Variants in ANKRD33 observed in about 807,000 individuals in gnomAD.
The protein encoded by ANKRD33 is photoreceptor ankyrin repeat protein.
A neutral mutation model predicts 20.6 loss-of-function variants in ANKRD33; 20 were observed. The observed-to-expected ratio is 0.97, with a 90% CI of 0.68 to 1.41. The LOEUF (loss-of-function observed/expected upper bound fraction) is 1.41. Ranked by LOEUF, ANKRD33 falls within the 40% of genes most tolerant of loss-of-function variation. The pLI is 0.00. For missense variants in ANKRD33, 545 were observed against 579.6 expected (o/e 0.94, Z 0.61); for synonymous variants, 246 against 245.0 (o/e 1.00, Z -0.04).
intron 1 of ANKRD33, 52 bp from the exon 2 acceptor site, chr12:51,888,516 C>CT: frequency 6.4e-7 from 1 of 1,553,352 alleles, no homozygotes; most frequent in South Asian, 1.2e-5. Context: ...GCTGGGTCCC[C>CT]TCCCTAGGAT....
chr12:51,891,510 A>AG lies in ANKRD33; in HGVS notation c.*207dup. Reference sequence around the variant, plus strand: ...CCCGAAGTGTCCATCAGTAAGGGACAGGCTAGATTGATTACGGATGTAATT... The same window carrying AG: ...CCCGAAGTGTCCATCAGTAAGGGACAGGGCTAGATTGATTACGGATGTAATT... On this transcript the variant is annotated 3_prime_UTR_variant, in exon 5 of 5. Coordinates refer to ENST00000301190, the MANE Select transcript of ANKRD33 (RefSeq NM_182608.4). The AG allele has an allele frequency of 1.2e-6, 1 of 829,560 alleles. No homozygotes were observed. Among genetic ancestry groups the AG allele is most frequent in the Non-Finnish European group, 1.8e-6 (1 of 549,782 alleles). 51.4% of individuals were successfully genotyped at this position (829,560 alleles called of 1,614,324 possible).
At chr12:51,888,492 T>C (rs1940293721) in intron 1 of ANKRD33, 76 bp from the exon 2 acceptor site, 3 of 1,559,008 alleles carry the variant, frequency 1.9e-6, no homozygotes, top group Admixed American at 4.2e-5. Flanking sequence ...GCAAGGGCTG[T>C]GCACTTCGCA....
chr12:51,889,698 T>G lies in ANKRD33; in HGVS notation c.637+216T>G. 3.4e-6 allele frequency: 3 copies of G among 871,318 alleles called. No homozygotes were observed. The East Asian group carries it at 8.2e-5, about 24-fold the overall frequency. The allele number at this position is 871,318 out of a possible 1,614,324, so 54.0% of individuals were successfully genotyped here. ...TCGTACAATCAACCAAGTCCTGCTA[T>G]TGATAGCTCAGACATTGTGTGTGGA... On this transcript the variant is annotated intron_variant, in intron 4 of 4. Coordinates refer to ENST00000301190, the MANE Select transcript of ANKRD33 (RefSeq NM_182608.4).
At chr12:51,888,513 C>A in intron 1 of ANKRD33, 55 bp from the exon 2 acceptor site, 2 of 1,551,982 alleles carry the variant, frequency 1.3e-6, no homozygotes, top group South Asian at 1.2e-5. Flanking sequence ...GCTGCTGGGT[C>A]CCCTCCCTAG....
chr12:51,888,183 C>T lies in ANKRD33; in HGVS notation c.-4C>T, dbSNP rs755638775. On this transcript the variant is annotated 5_prime_UTR_variant, in exon 1 of 5. Transcript: ENST00000301190. ...CAGCCCCGAGGTGTTTGCAGCAGCT[C>T]TTTATGAAAGTCCAGCCATCTGTTA... 2 of 1,613,882 alleles carry T rather than the reference C, an allele frequency of 1.2e-6. No individual in the cohort carries two copies. The highest frequency in any genetic ancestry group is 1.7e-6 in the Non-Finnish European group (2 of 1,179,918).
Position 51,891,455 on chromosome 12 carries a change from ATTGTT to A in ANKRD33, c.*152_*156del. ...TATATACAAGGTCATTCATTCTAGCATTGTTTGCAAGAGTGAAAGAGTGGAAACAC... is the reference window on the plus strand; with the variant it reads ...TATATACAAGGTCATTCATTCTAGCATGCAAGAGTGAAAGAGTGGAAACAC... On this transcript the variant is annotated 3_prime_UTR_variant, in exon 5 of 5. Transcript: ENST00000301190. 1 of 1,324,122 alleles carries A rather than the reference ATTGTT, an allele frequency of 7.6e-7. No individual in the cohort carries two copies. Among genetic ancestry groups the A allele is most frequent in the Non-Finnish European group, 1.0e-6 (1 of 998,242 alleles). The allele number at this position is 1,324,122 out of a possible 1,614,324, so 82.0% of individuals were successfully genotyped here.
chr12:51,891,127 G>GC lies in ANKRD33; in HGVS notation c.1185dup (p.Arg396GlnfsTer70). ...TGGCTACAACCCAGGGATAGCACCA[G>GC]CCCCAGGCCCCAAGTCCCCAAGATC... is the stretch of plus-strand genomic sequence containing the variant. On this transcript the variant is annotated frameshift_variant, in exon 5 of 5. Transcript: ENST00000301190. LOFTEE classifies it low-confidence loss of function (END_TRUNC). 1 of 1,614,154 alleles carries GC rather than the reference G, an allele frequency of 6.2e-7. No homozygotes were observed. The highest frequency in any genetic ancestry group is 1.1e-5 in the South Asian group (1 of 91,082).
chr12:51,890,094 G>T (rs546196483), intron 4 of ANKRD33: 57 of 273,478 alleles, frequency 2.1e-4, no homozygotes, highest in Non-Finnish European at 3.8e-4. Flanking sequence ...CACCCCACTG[G>T]GTTTGGAGTG....
Position 51,890,795 on chromosome 12 carries a change from C to T in ANKRD33, c.849C>T (p.Leu283=). 6.2e-7 allele frequency: 1 copy of T among 1,607,154 alleles called. No individual in the cohort carries two copies. The highest frequency in any genetic ancestry group is 8.5e-7 in the Non-Finnish European group (1 of 1,179,260). Residue 283 remains leucine (L), a synonymous_variant, in exon 5 of 5, where the codon CTC becomes CTT. Transcript: ENST00000301190. ...CCCAGGCCCAGGTTGCCCCTTCACT[C>T]CTAGAACGGCTGCAGGCTACCTTGA... The part of the protein sequence containing the change: ...AQAQAQVAPS[L]LERLQATLSL...
In ANKRD33 at chr12:51,889,479, C is replaced by T. The variant is rs764573306; in HGVS notation, c.634C>T (p.Arg212Cys). The T allele has an allele frequency of 2.0e-5, 32 of 1,613,760 alleles. No homozygotes were observed. The highest frequency in any genetic ancestry group is 1.7e-4 in the Middle Eastern group (1 of 6,052). ...TALMKAAMRN[R>C]CADLTAVDPV... The stretch of plus-strand genomic sequence containing the variant: ...GTTAATGAAGGCTGCCATGCGGAAC[C>T]GCTGTGAGTGCGTGGCCACCCTCCT... Residue 212 changes from arginine (R) to cysteine (C), a missense_variant, in exon 4 of 5, where the codon CGC (arginine) becomes TGC (cysteine). Coordinates refer to ENST00000301190, the MANE Select transcript of ANKRD33 (RefSeq NM_182608.4).
chr12:51,891,432 T>C lies in ANKRD33; in HGVS notation c.*127T>C. The C allele has an allele frequency of 4.4e-6, 6 of 1,376,532 alleles. No homozygotes were observed. Among genetic ancestry groups the C allele is most frequent in the South Asian group, 1.5e-5 (1 of 66,384 alleles). 85.3% of individuals were successfully genotyped at this position (1,376,532 alleles called of 1,614,324 possible). A position where few individuals can be genotyped will look rare whatever the true frequency, so the allele number is the denominator to read the frequency against. On this transcript the variant is annotated 3_prime_UTR_variant, in exon 5 of 5. Transcript: ENST00000301190. ...AGTAAATCTGCTCTCAACCTATATA[T>C]ATACAAGGTCATTCATTCTAGCATT...
rs766658290 is a variant in ANKRD33, at chr12:51,888,304, T to C, written c.118T>C (p.Cys40Arg). The C allele has an allele frequency of 1.9e-6, 3 of 1,612,352 alleles. No homozygotes were observed. The highest frequency in any genetic ancestry group is 2.5e-6 in the Non-Finnish European group (3 of 1,179,258). ...RGAWAVPRVD[C>R]LIDTLRTPNA... ...AGCCTGGGCTGTGCCCCGCGTTGAC[T>C]GCCTCATAGATACCCTACGAACCCC... Residue 40 changes from cysteine (C) to arginine (R), a missense_variant, in exon 1 of 5, where the codon TGC becomes CGC. By Grantham distance (180) the Cys-to-Arg change is radical (BLOSUM62 -3). Coordinates refer to ENST00000301190, the MANE Select transcript of ANKRD33 (RefSeq NM_182608.4).
At chr12:51,889,692 C>T in intron 4 of ANKRD33, 1 of 921,770 alleles carries the variant, frequency 1.1e-6, no homozygotes, top group East Asian at 2.7e-5. Flanking sequence ...CAACCAAGTC[C>T]TGCTATTGAT....
chr12:51,890,539 C>T lies in ANKRD33; in HGVS notation c.638-45C>T, dbSNP rs991612412. The T allele has an allele frequency of 4.4e-6, 7 of 1,577,660 alleles. No homozygotes were observed. The East Asian group carries it at 9.1e-5, about 21-fold the overall frequency. On this transcript the variant is annotated intron_variant, in intron 4 of 4. Coordinates refer to ENST00000301190, the MANE Select transcript of ANKRD33 (RefSeq NM_182608.4). ...AAAGAATCTGCCCTTCCACAAATCA[C>T]CAACCCCTATCCCGCCCCATGTCAC...
intron 4 of ANKRD33, chr12:51,890,229 C>T (rs1270625436): frequency 1.4e-5 from 6 of 425,900 alleles, no homozygotes; most frequent in Non-Finnish European, 2.6e-5. Context: ...GGAGAGGGAA[C>T]CAGCCGATCA....
In ANKRD33 at chr12:51,890,750, G is replaced by A. The variant is rs1369798008; in HGVS notation, c.804G>A (p.Gly268=). The change falls in exon 5 of 5, where the codon GGG becomes GGA. Residue 268 remains glycine (G), a synonymous_variant. Transcript: ENST00000301190. ...AGCCCGAGTGGCCGGCCTTGTCCGG[G>A]CTCGTGGCCCAGGCCCAGGCCCAGG... ...HYKPEWPALS[G]LVAQAQAQAQ... The A allele has an allele frequency of 2.5e-6, 4 of 1,604,528 alleles. No individual in the cohort carries two copies. The African/African-American group carries it at 4.0e-5, about 16-fold the overall frequency.
chr12:51,890,494 C>T (rs1940384110), intron 4 of ANKRD33, 90 bp from the exon 5 acceptor site: 2 of 1,538,420 alleles, frequency 1.3e-6, no homozygotes, highest in East Asian at 2.4e-5. Context: ...TCGAATGTAA[C>T]CCACATCAGT....
chr12:51,888,109 T>G lies in ANKRD33; in HGVS notation c.-78T>G, dbSNP rs1395147199. On this transcript the variant is annotated 5_prime_UTR_variant, in exon 1 of 5. Coordinates refer to ENST00000301190, the MANE Select transcript of ANKRD33 (RefSeq NM_182608.4). Reference sequence around the variant, plus strand: ...CTGGTCTGAGTCCGCTCCTGAGACGTGACCACCCGCCCCGCATGGGGCCCC... The same window carrying G: ...CTGGTCTGAGTCCGCTCCTGAGACGGGACCACCCGCCCCGCATGGGGCCCC... 7 of 1,545,402 alleles carry G rather than the reference T, an allele frequency of 4.5e-6. No homozygotes were observed. The highest frequency in any genetic ancestry group is 6.2e-6 in the Non-Finnish European group (7 of 1,133,768).
In ANKRD33 at chr12:51,889,408, A is replaced by T. The variant is rs141806422; in HGVS notation, c.563A>T (p.Tyr188Phe). 4.1e-5 allele frequency: 66 copies of T among 1,613,986 alleles called. No homozygotes were observed. In the Admixed American group the frequency reaches 1.1e-3, roughly 27 times the overall value. The change falls in exon 4 of 5, where the codon TAT (tyrosine) becomes TTT (phenylalanine). Residue 188 changes from tyrosine to phenylalanine, a missense_variant. Transcript: ENST00000301190. ...VPLVSLLLNY[Y>F]VGLDLERRDQ... ...CTAGTGAGTCTCCTGCTCAACTACTATGTGGGCCTGGACCTGGAACGCCGG... is the reference window on the plus strand; with the variant it reads ...CTAGTGAGTCTCCTGCTCAACTACTTTGTGGGCCTGGACCTGGAACGCCGG...
Sources: allele counts gnomAD v4.1 joint callset, GRCh38; gene constraint gnomAD v4.1.1; transcripts MANE v1.5; gene names NCBI Gene and HGNC (gene_info 2026-07-23, HGNC 2026-07-21).